Variants in TNRC6A observed in about 807,000 individuals in gnomAD.
TNRC6A encodes trinucleotide repeat-containing gene 6A protein.
A neutral mutation model predicts 221.2 loss-of-function variants in TNRC6A; 44 were observed. The observed-to-expected ratio is 0.20, with a 90% CI of 0.16 to 0.26. The LOEUF is 0.26. Ranked by LOEUF, TNRC6A falls within the 10% of genes least tolerant of loss-of-function variation. The pLI, the probability that TNRC6A is intolerant of heterozygous loss-of-function variation, is 1.00. For missense variants in TNRC6A, 2,199 were observed against 2,404.4 expected, an observed-to-expected ratio of 0.91 and a Z score of 1.79; for synonymous variants, 847 against 838.5, an observed-to-expected ratio of 1.01 and a Z score of -0.18.
chr16:24,631,778 A>G (rs117421063), intron 1 of TNRC6A, among the ~76,000 whole-genome samples: 22,105 of 151,512 alleles, frequency 0.15, 2,133 homozygotes, highest in Middle Eastern at 0.25. Context: ...CCTCAAAAAA[A>G]AAAAACAACA....
intron 2 of TNRC6A, among the ~76,000 whole-genome samples, chr16:24,704,437 G>A (rs1214749065): frequency 1.3e-5 from 2 of 151,982 alleles, no homozygotes; most frequent in African/African-American, 4.8e-5. Flanking sequence ...CCAGCACTTT[G>A]GGAGGCCAAG....
chr16:24,701,269 A>G (rs949940407), intron 2 of TNRC6A, among the ~76,000 whole-genome samples: 11 of 152,228 alleles, frequency 7.2e-5, no homozygotes, highest in African/African-American at 1.9e-4. Context: ...GCTCACTGCC[A>G]CTAAGAATTC....
chr16:24,762,948 A>AT (rs1239111910), intron 4 of TNRC6A, among the ~76,000 whole-genome samples: 2 of 152,162 alleles, frequency 1.3e-5, no homozygotes, highest in East Asian at 3.8e-4. Flanking sequence ...CTTGGAACAG[A>AT]TTTTACAGTA....
chr16:24,657,862 T>C lies in TNRC6A; in HGVS notation n.402+16853T>C, dbSNP rs1350870661. Among the ~76,000 whole-genome samples, 5 of 152,142 alleles carry C rather than the reference T, an allele frequency of 3.3e-5. No individual in the cohort carries two copies. In the East Asian group the frequency reaches 7.7e-4, roughly 23 times the overall value. On this transcript the variant is annotated intron_variant and non_coding_transcript_variant, in intron 2 of 2. Coordinates refer to the TNRC6A transcript ENST00000566108. ...CCACTTTTTTTTTTAAGCCAAGTTA[T>C]ATGGTGAATGTTGCTTACTAGTAGA...
intron 5 of TNRC6A, among the ~76,000 whole-genome samples, chr16:24,787,004 T>G (rs2057987962): frequency 6.6e-6 from 1 of 152,170 alleles, no homozygotes; most frequent in Non-Finnish European, 1.5e-5. Flanking sequence ...GTTTCTACTT[T>G]AGAGATGAAA....
intron 2 of TNRC6A, among the ~76,000 whole-genome samples, chr16:24,670,503 G>A (rs1038799934): frequency 2.6e-5 from 4 of 152,076 alleles, no homozygotes; most frequent in Admixed American, 1.3e-4. Context: ...AGGGAATTTG[G>A]AAGCAGTCTG....
intron 4 of TNRC6A, among the ~76,000 whole-genome samples, chr16:24,762,544 A>C (rs2057386454): frequency 6.6e-6 from 1 of 152,192 alleles, no homozygotes. Context: ...AATTTTGGAA[A>C]TCTTTGGGAT....
chr16:24,778,395 A>T, intron 5 of TNRC6A: 1 of 985,366 alleles, frequency 1.0e-6, no homozygotes, highest in Middle Eastern at 5.2e-4. Context: ...GACTCCAAAG[A>T]TATGCTTGTA....
intron 18 of TNRC6A, among the ~76,000 whole-genome samples, chr16:24,814,385 A>G (rs1050707278): frequency 9.0e-6 from 1 of 110,904 alleles, no homozygotes; most frequent in Non-Finnish European, 1.9e-5. Context: ...TTCTGGTGTC[A>G]TTTTTTTCTT....
intron 2 of TNRC6A, among the ~76,000 whole-genome samples, chr16:24,685,156 T>C (rs2055601905): frequency 6.6e-6 from 1 of 152,132 alleles, no homozygotes; most frequent in East Asian, 1.9e-4. Context: ...GAATTGCGTT[T>C]GTCTTCTTTT....
rs1025422669 is a variant in TNRC6A, at chr16:24,797,955, A to G, written c.3683A>G (p.Asp1228Gly). 1 of 1,610,418 alleles carries G rather than the reference A, an allele frequency of 6.2e-7. No homozygotes were observed. Among genetic ancestry groups the G allele is most frequent in the African/African-American group, 1.3e-5 (1 of 74,858 alleles). The change falls in exon 11 of 25, where the codon GAC becomes GGC. Residue 1228 changes from aspartate (D) to glycine (G), a missense_variant. By Grantham distance (94) the Asp-to-Gly change is moderately conservative. Around this residue, in one of 8 missense-constraint regions of TNRC6A, gnomAD observed 158 missense variants for 159.1 expected, o/e 0.99. Transcript: ENST00000395799. ...GAAAATGTACAAAGCAATAAGATGG[A>G]CCTTTCTGGAGGTAAGAGAAAATTA... ...PEENVQSNKM[D>G]LSGGMLQDKR...
At chr16:24,659,899 G>A (rs371067227) in intron 2 of TNRC6A, among the ~76,000 whole-genome samples, 9 of 152,082 alleles carry the variant, frequency 5.9e-5, no homozygotes, top group Non-Finnish European at 1.2e-4. Context: ...CATAGTATTC[G>A]ACATAAACTA....
chr16:24,711,448 A>G (rs2056204562), intron 2 of TNRC6A, among the ~76,000 whole-genome samples: 2 of 151,966 alleles, frequency 1.3e-5, no homozygotes, highest in African/African-American at 4.8e-5. Context: ...CCCCAAAAGT[A>G]TTTTCCTCCG....
Position 24,797,471 on chromosome 16 carries a change from A to G in TNRC6A, c.3562-19A>G, listed in dbSNP as rs372909048. On this transcript the variant is annotated intron_variant, in intron 9 of 24. Transcript: ENST00000395799. ...CAGAGATGGCCATGGCATCTTTTCTACTCTTTTATTTTACAAAGGGAATGA... is the reference window on the plus strand; with the variant it reads ...CAGAGATGGCCATGGCATCTTTTCTGCTCTTTTATTTTACAAAGGGAATGA... 93 of 1,593,960 alleles carry G rather than the reference A, an allele frequency of 5.8e-5. No homozygotes were observed. The highest frequency in any genetic ancestry group is 8.7e-5 in the Admixed American group (5 of 57,462).
chr16:24,716,642 G>A (rs1345658856), intron 2 of TNRC6A, among the ~76,000 whole-genome samples: 1 of 152,058 alleles, frequency 6.6e-6, no homozygotes, highest in Non-Finnish European at 1.5e-5. Context: ...TCCAGCTTGG[G>A]TGACAAAGTG....
chr16:24,674,811 A>G (rs1178422153), intron 2 of TNRC6A, among the ~76,000 whole-genome samples: 1 of 152,194 alleles, frequency 6.6e-6, no homozygotes, highest in African/African-American at 2.4e-5. Context: ...TTATGGAAAG[A>G]CTGCCAAAGT....
intron 2 of TNRC6A, among the ~76,000 whole-genome samples, chr16:24,687,843 G>GGAA (rs758957416): frequency 0.069 from 7,028 of 101,780 alleles, 445 homozygotes; most frequent in African/African-American, 0.096. Flanking sequence ...AAGAGGAAGA[G>GGAA]GAAGAAGAAG....
intron 2 of TNRC6A, among the ~76,000 whole-genome samples, chr16:24,705,739 C>T (rs1057436037): frequency 1.3e-5 from 2 of 152,166 alleles, no homozygotes; most frequent in Admixed American, 6.6e-5. Context: ...ATGATAAAAA[C>T]ATATTTAAGT....
chr16:24,761,058 A>G (rs1339441436), intron 4 of TNRC6A, among the ~76,000 whole-genome samples: 1 of 152,204 alleles, frequency 6.6e-6, no homozygotes, highest in East Asian at 1.9e-4. Context: ...CCTATTCCAG[A>G]ATTCCTGCTT....
Sources: gnomAD v4.1 joint callset for allele counts (sites outside exome capture counted in the v4.1 genomes callset) on GRCh38, gnomAD v4.1.1 for gene constraint, gnomAD v4.1.1 regional missense constraint, MANE v1.5 for transcripts, NCBI Gene and HGNC (gene_info 2026-07-23, HGNC 2026-07-21) for gene names.